IGF2BP2: variants seen among roughly 807,000 people sequenced by gnomAD.
IGF2BP2 encodes insulin like growth factor 2 mRNA binding protein 2, also known as insulin-like growth factor 2 mRNA-binding protein 2.
In IGF2BP2, 17 loss-of-function variants were observed where a neutral mutation model predicts 75.8. The ratio of observed to expected loss-of-function variants is 0.22; its 90% CI spans 0.15 to 0.34. IGF2BP2 has a LOEUF of 0.34. Among genes scored for constraint, IGF2BP2 ranks in the 10% least tolerant of loss-of-function variants. The probability of loss-of-function intolerance (pLI) is 1.00; values close to 1 mark genes in which losing one functional copy is unlikely to be tolerated. For missense variants in IGF2BP2, 516 were observed against 772.4 expected, an observed-to-expected ratio of 0.67 and a Z score of 3.93; for synonymous variants, 288 against 295.6, an observed-to-expected ratio of 0.97 and a Z score of 0.26.
intron 7 of IGF2BP2, among the ~76,000 whole-genome samples, chr3:185,677,068 T>TATATATATATATATATATATATATAGAG: frequency 5.6e-5 from 2 of 35,860 alleles, no homozygotes; most frequent in African/African-American, 1.6e-4. Context: ...TATATATATA[T>TATATATATATATATATATATATATAGAG]AGAGAGAGAG....
intron 2 of IGF2BP2, among the ~76,000 whole-genome samples, chr3:185,748,095 T>C (rs1228066344): frequency 2.0e-5 from 3 of 152,166 alleles, no homozygotes; most frequent in African/African-American, 7.2e-5. Context: ...GACCTTGTGA[T>C]CCATTTCACC....
At chr3:185,691,521 C>A (rs1334666655) in intron 5 of IGF2BP2, among the ~76,000 whole-genome samples, 1 of 152,140 alleles carries the variant, frequency 6.6e-6, no homozygotes, top group Non-Finnish European at 1.5e-5. Flanking sequence ...CAAGGTTATG[C>A]CACACCCATA....
chr3:185,731,181 T>C (rs1300700872), intron 2 of IGF2BP2, among the ~76,000 whole-genome samples: 4 of 151,826 alleles, frequency 2.6e-5, no homozygotes. Flanking sequence ...TGAAAATCAC[T>C]GCTGTACAGA....
chr3:185,709,224 C>T (rs1040244097), intron 2 of IGF2BP2, among the ~76,000 whole-genome samples: 2 of 152,166 alleles, frequency 1.3e-5, no homozygotes, highest in Non-Finnish European at 2.9e-5. Context: ...GGTCACATGC[C>T]CAAACACCAA....
chr3:185,719,840 GA>G (rs1726233022), intron 2 of IGF2BP2, among the ~76,000 whole-genome samples: 1 of 151,656 alleles, frequency 6.6e-6, no homozygotes, highest in South Asian at 2.1e-4. Context: ...TCTCAAAAAA[GA>G]AAGGAAGGAA....
At chr3:185,664,751 A>G (rs1224901235) in intron 10 of IGF2BP2, among the ~76,000 whole-genome samples, 3 of 152,172 alleles carry the variant, frequency 2.0e-5, no homozygotes, top group African/African-American at 7.2e-5. Context: ...AAACCAAGAC[A>G]AAGAGTGGGA....
intron 2 of IGF2BP2, among the ~76,000 whole-genome samples, chr3:185,808,274 A>G (rs7630554): frequency 0.45 from 68,105 of 151,756 alleles, 18,317 homozygotes; most frequent in African/African-American, 0.77. Context: ...TCAGGAGTTC[A>G]AGACCAGCCT....
chr3:185,687,621 A>C (rs1226997533), intron 6 of IGF2BP2, among the ~76,000 whole-genome samples: 1 of 152,228 alleles, frequency 6.6e-6, no homozygotes, highest in Non-Finnish European at 1.5e-5. Context: ...CGAACACCAA[A>C]TTCAAGCAAG....
At chr3:185,758,318 C>A (rs1258871301) in intron 2 of IGF2BP2, among the ~76,000 whole-genome samples, 2 of 152,158 alleles carry the variant, frequency 1.3e-5, no homozygotes, top group Admixed American at 6.5e-5. Context: ...TTACCAAACA[C>A]CAAGAAGAGA....
At chr3:185,716,876 C>G (rs1410823670) in intron 2 of IGF2BP2, 2 of 479,950 alleles carry the variant, frequency 4.2e-6, no homozygotes, top group Non-Finnish European at 8.2e-6. Flanking sequence ...GTGGCTTGTT[C>G]GTGGAATTTA....
At chr3:185,774,169 C>A (rs1378786245) in intron 2 of IGF2BP2, among the ~76,000 whole-genome samples, 1 of 152,024 alleles carries the variant, frequency 6.6e-6, no homozygotes, top group Admixed American at 6.6e-5. Flanking sequence ...ACAATTGAGG[C>A]GGGTATGGAC....
chr3:185,727,510 G>A (rs1454570407), intron 2 of IGF2BP2, among the ~76,000 whole-genome samples: 2 of 152,156 alleles, frequency 1.3e-5, no homozygotes, highest in Non-Finnish European at 2.9e-5. Flanking sequence ...TGCTGTGGAT[G>A]AGAACACCTC....
At chr3:185,722,006 T>C (rs573823526) in intron 2 of IGF2BP2, 8 of 267,288 alleles carry the variant, frequency 3.0e-5, no homozygotes, top group Admixed American at 1.6e-4. Flanking sequence ...TGGCAAGTAC[T>C]TGTTTTTTTT....
At chr3:185,769,181 A>G (rs999696101) in intron 2 of IGF2BP2, among the ~76,000 whole-genome samples, 1 of 151,904 alleles carries the variant, frequency 6.6e-6, no homozygotes, top group Non-Finnish European at 1.5e-5. Flanking sequence ...CCACCTCTAT[A>G]AAAATTTTTA....
chr3:185,679,437 TAACA>T lies in IGF2BP2; in HGVS notation c.813-3528_813-3525del, dbSNP rs565720675. On this transcript the variant is annotated intron_variant, in intron 7 of 15. Transcript: ENST00000382199. ...CATCTTTATATGTTTTTATACCCAT[TAACA>T]TAGATTTATAGTTAAAAAAAGTTTT... is the stretch of plus-strand genomic sequence containing the variant. Among the ~76,000 whole-genome samples the T allele has an allele frequency of 4.0e-3, 606 of 152,286 alleles. 1 individual carries two copies. The highest frequency in any genetic ancestry group is 7.4e-3 in the Non-Finnish European group (506 of 68,030).
At chr3:185,798,601 G>A (rs982435078) in intron 2 of IGF2BP2, among the ~76,000 whole-genome samples, 10 of 151,888 alleles carry the variant, frequency 6.6e-5, no homozygotes, top group African/African-American at 2.4e-4. Flanking sequence ...TGATTTATTT[G>A]ATGCCAAGGC....
At chr3:185,702,032 C>T (rs1490901016) in intron 2 of IGF2BP2, among the ~76,000 whole-genome samples, 1 of 152,150 alleles carries the variant, frequency 6.6e-6, no homozygotes, top group African/African-American at 2.4e-5. Flanking sequence ...CTGAGCTTTC[C>T]AGAATGTCTC....
At chr3:185,716,427 C>T in intron 2 of IGF2BP2, 1 of 506,728 alleles carries the variant, frequency 2.0e-6, no homozygotes, top group South Asian at 1.4e-5. Context: ...TCCCCTCCCT[C>T]TTTCCATATT....
intron 10 of IGF2BP2, among the ~76,000 whole-genome samples, chr3:185,667,253 A>G (rs1284822536): frequency 1.5e-5 from 2 of 133,778 alleles, no homozygotes; most frequent in Non-Finnish European, 3.6e-5. Flanking sequence ...GTATAAGTCA[A>G]GATAAATTCT....
Sources: gnomAD v4.1 joint callset for allele counts (sites outside exome capture counted in the v4.1 genomes callset) on GRCh38, gnomAD v4.1.1 for gene constraint, MANE v1.5 for transcripts, NCBI Gene and HGNC (gene_info 2026-07-23, HGNC 2026-07-21) for gene names.